ATP8B4: variants seen among roughly 807,000 people sequenced by gnomAD.
The protein encoded by ATP8B4 is ATPase phospholipid transporting 8B4 (putative), also known as probable phospholipid-transporting ATPase IM.
ATP8B4 carries 133 observed loss-of-function variants against 145.6 expected under a neutral mutation model. The ratio of observed to expected loss-of-function variants is 0.91; its 90% CI spans 0.79 to 1.05. The LOEUF (loss-of-function observed/expected upper bound fraction) is 1.05, where lower values mean the gene tolerates loss of function less well. Ranked by LOEUF, ATP8B4 falls within the 50% of genes least tolerant of loss-of-function variation. The pLI is 0.00. For synonymous variants in ATP8B4, 507 were observed against 492.9 expected (o/e 1.03, Z -0.38); for missense variants, 1,458 against 1,425.2 (o/e 1.02, Z -0.37).
At chr15:50,085,585 T>C (rs961853435) in intron 2 of ATP8B4, among the ~76,000 whole-genome samples, 1 of 151,922 alleles carries the variant, frequency 6.6e-6, no homozygotes, top group African/African-American at 2.4e-5. Flanking sequence ...TAGAAGTGTA[T>C]GGATTGTGGA....
chr15:49,956,301 G>A (rs2043554856), intron 14 of ATP8B4, among the ~76,000 whole-genome samples: 2 of 152,062 alleles, frequency 1.3e-5, no homozygotes, highest in Admixed American at 1.3e-4. Context: ...ACTTATGTTG[G>A]TCACAGAATC....
At chr15:49,860,679 A>G (rs1320539305) in intron 27 of ATP8B4, among the ~76,000 whole-genome samples, 1 of 152,206 alleles carries the variant, frequency 6.6e-6, no homozygotes, top group African/African-American at 2.4e-5. Context: ...CTATCGAGAC[A>G]CTATTAAGTA....
At chr15:50,078,959 A>G (rs1249764764) in intron 2 of ATP8B4, among the ~76,000 whole-genome samples, 2 of 152,224 alleles carry the variant, frequency 1.3e-5, no homozygotes, top group African/African-American at 4.8e-5. Flanking sequence ...TTTACAGACA[A>G]CGACCATCTA....
At chr15:50,007,645 C>T (rs888419162) in intron 7 of ATP8B4, among the ~76,000 whole-genome samples, 2 of 152,168 alleles carry the variant, frequency 1.3e-5, no homozygotes, top group Non-Finnish European at 2.9e-5. Context: ...CCTTCATGAC[C>T]TGGTTTCCCC....
chr15:50,025,726 T>C (rs567391910), intron 6 of ATP8B4, among the ~76,000 whole-genome samples: 2 of 152,356 alleles, frequency 1.3e-5, no homozygotes, highest in Admixed American at 1.3e-4. Flanking sequence ...ATGGCTATTT[T>C]ATTATCTACT....
chr15:50,095,793 A>T (rs1211456422), intron 2 of ATP8B4, among the ~76,000 whole-genome samples: 1 of 152,138 alleles, frequency 6.6e-6, no homozygotes, highest in Non-Finnish European at 1.5e-5. Flanking sequence ...ACATCTCCCA[A>T]ATTAGATATC....
At chr15:50,120,257 C>A (rs74012893), upstream of ATP8B4, among the ~76,000 whole-genome samples, 8,443 of 152,094 alleles carry the variant, frequency 0.056, 273 homozygotes, top group African/African-American at 0.085. Context: ...CCTTTTCCTA[C>A]CAAGGTTCCA....
At chr15:49,898,683 C>A (rs936279204) in intron 21 of ATP8B4, among the ~76,000 whole-genome samples, 2 of 152,068 alleles carry the variant, frequency 1.3e-5, no homozygotes, top group Non-Finnish European at 2.9e-5. Context: ...TGTTTCTTTG[C>A]ACTGTTGTTT....
At chr15:50,169,833 A>C (rs900229488) in intron 1 of ATP8B4, among the ~76,000 whole-genome samples, 1 of 152,230 alleles carries the variant, frequency 6.6e-6, no homozygotes, top group African/African-American at 2.4e-5. Flanking sequence ...CTTAAAGAAA[A>C]AACAATCAAA....
intron 2 of ATP8B4, among the ~76,000 whole-genome samples, chr15:50,078,469 T>C (rs2054330726): frequency 6.9e-6 from 1 of 145,544 alleles, no homozygotes; most frequent in Non-Finnish European, 1.5e-5. Context: ...CACTGGAGAG[T>C]AGAATGGACA....
At chr15:50,036,005 C>G (rs554272634) in intron 6 of ATP8B4, among the ~76,000 whole-genome samples, 1 of 152,318 alleles carries the variant, frequency 6.6e-6, no homozygotes, top group South Asian at 2.1e-4. Flanking sequence ...AGCCATTTTA[C>G]TTTATTCCTG....
At chr15:49,981,317 A>C (rs1567135041) in intron 10 of ATP8B4, 23 bp from the exon 11 acceptor site, 1 of 1,525,406 alleles carries the variant, frequency 6.6e-7, no homozygotes. Context: ...AAAAAAGTAA[A>C]TAACTTTGAA....
chr15:49,992,024 T>C (rs989117598), intron 9 of ATP8B4, among the ~76,000 whole-genome samples: 1 of 152,184 alleles, frequency 6.6e-6, no homozygotes, highest in Non-Finnish European at 1.5e-5. Context: ...CTTTGTAAAA[T>C]AGGCTTTGCC....
chr15:50,002,270 G>A (rs377229300), intron 7 of ATP8B4, 47 bp from the exon 8 acceptor site: 252 of 1,485,876 alleles, frequency 1.7e-4, no homozygotes, highest in Non-Finnish European at 2.3e-4. Flanking sequence ...AGTTAGATTG[G>A]TTGAAAGTCT....
At chr15:50,073,025 CA>C (rs2053948498) in intron 3 of ATP8B4, among the ~76,000 whole-genome samples, 1 of 72,144 alleles carries the variant, frequency 1.4e-5, no homozygotes, top group Admixed American at 1.3e-4. Flanking sequence ...TATATACACA[CA>C]CACACACACA....
intron 1 of ATP8B4, among the ~76,000 whole-genome samples, chr15:50,143,575 G>C (rs1330887249): frequency 8.6e-6 from 1 of 115,718 alleles, no homozygotes; most frequent in Non-Finnish European, 1.7e-5. Context: ...TATTCCATCA[G>C]TTATTGACTA....
At chr15:49,927,088 A>AAG (rs986106492) in intron 16 of ATP8B4, among the ~76,000 whole-genome samples, 10 of 152,162 alleles carry the variant, frequency 6.6e-5, no homozygotes, top group African/African-American at 2.4e-4. Flanking sequence ...TTCTATTTAC[A>AAG]GAATTAGTAG....
At chr15:50,115,486 T>C (rs2057136246) in intron 1 of ATP8B4, among the ~76,000 whole-genome samples, 1 of 151,748 alleles carries the variant, frequency 6.6e-6, no homozygotes, top group Admixed American at 6.6e-5. Flanking sequence ...CAATTCTGAG[T>C]TGAGTCCTTT....
At position 49,958,000 on chromosome 15, in the gene ATP8B4, C is replaced by A. The variant is rs575805692; in HGVS notation, c.1287+3977G>T. Among the ~76,000 whole-genome samples, 3 of 151,758 alleles carry A rather than the reference C, an allele frequency of 2.0e-5. No individual in the cohort carries two copies. In the South Asian group the frequency reaches 6.2e-4, roughly 31 times the overall value. ...GTCCTGAAACATTAATAACAATTAA[C>A]CTTATTAAGCCACAAAGAAAATCTC... On this transcript the variant is annotated intron_variant, in intron 14 of 27. Transcript: ENST00000284509.
Sources: allele counts gnomAD v4.1 joint callset (sites outside exome capture counted in the v4.1 genomes callset), GRCh38; gene constraint gnomAD v4.1.1; transcripts MANE v1.5; gene names NCBI Gene and HGNC (gene_info 2026-07-23, HGNC 2026-07-21).